The following LAMA2 variants were observed in gnomAD, a reference collection of about 807,000 sequenced individuals.
LAMA2 encodes laminin subunit alpha-2.
LAMA2 carries 269 observed loss-of-function variants against 364.8 expected under a neutral mutation model. The observed-to-expected ratio is 0.74, with a 90% CI of 0.67 to 0.82. The LOEUF (loss-of-function observed/expected upper bound fraction) is 0.82. Among genes scored for constraint, LAMA2 ranks in the 40% least tolerant of loss-of-function variants. The pLI, the probability that LAMA2 is intolerant of heterozygous loss-of-function variation, is 0.00. For synonymous variants in LAMA2, 1,379 were observed against 1,370.6 expected (o/e 1.01, Z -0.14); for missense variants, 3,807 against 3,873.2 (o/e 0.98, Z 0.45).
intron 21 of LAMA2, among the ~76,000 whole-genome samples, chr6:129,298,569 C>G (rs1168897372): frequency 1.3e-5 from 2 of 152,152 alleles, no homozygotes; most frequent in Non-Finnish European, 2.9e-5. Context: ...CGAACTGACC[C>G]TTATTCCAAC....
At chr6:128,904,589 G>A (rs922035032) in intron 1 of LAMA2, among the ~76,000 whole-genome samples, 1 of 151,782 alleles carries the variant, frequency 6.6e-6, no homozygotes, top group African/African-American at 2.4e-5. Context: ...TGAGTAGCTG[G>A]GATTACAGGC....
chr6:129,011,826 G>A (rs1337013856), intron 1 of LAMA2, among the ~76,000 whole-genome samples: 2 of 152,150 alleles, frequency 1.3e-5, no homozygotes, highest in African/African-American at 4.8e-5. Flanking sequence ...AGTGGAAAAG[G>A]GATGGAGATA....
intron 1 of LAMA2, among the ~76,000 whole-genome samples, chr6:129,039,559 A>G (rs1176935295): frequency 2.6e-5 from 4 of 152,172 alleles, no homozygotes; most frequent in African/African-American, 7.2e-5. Flanking sequence ...TTCAACAACA[A>G]TGGGGAAGAT....
chr6:129,205,831 C>G (rs1782606248), intron 12 of LAMA2, among the ~76,000 whole-genome samples: 1 of 151,936 alleles, frequency 6.6e-6, no homozygotes, highest in Admixed American at 6.6e-5. Flanking sequence ...TCAAGACCAG[C>G]CTGGCCAACA....
intron 55 of LAMA2, among the ~76,000 whole-genome samples, chr6:129,482,953 G>T (rs1319240908): frequency 1.3e-5 from 2 of 151,632 alleles, no homozygotes; most frequent in South Asian, 2.1e-4. Context: ...TATAATCCCA[G>T]TTACTTGGGA....
intron 34 of LAMA2, among the ~76,000 whole-genome samples, chr6:129,376,055 T>C (rs961358814): frequency 1.3e-5 from 2 of 152,206 alleles, no homozygotes; most frequent in African/African-American, 4.8e-5. Flanking sequence ...CATTCTAAAT[T>C]GCAGATCCTA....
At chr6:129,351,159 C>T (rs1394132456) in intron 31 of LAMA2, among the ~76,000 whole-genome samples, 2 of 151,764 alleles carry the variant, frequency 1.3e-5, no homozygotes, top group Non-Finnish European at 2.9e-5. Flanking sequence ...CATCGCTGGA[C>T]ACCAAAAAGA....
chr6:129,022,036 G>T (rs181364124), intron 1 of LAMA2, among the ~76,000 whole-genome samples: 61 of 152,220 alleles, frequency 4.0e-4, no homozygotes, highest in African/African-American at 1.4e-3. Flanking sequence ...ATATTAGAAA[G>T]AAAACAGCGG....
chr6:129,450,959 G>A (rs1583782029), intron 45 of LAMA2, among the ~76,000 whole-genome samples: 3 of 152,262 alleles, frequency 2.0e-5, no homozygotes, highest in Admixed American at 2.0e-4. Context: ...ACTTTCAGCA[G>A]CTTGCTAAAA....
At chr6:128,922,172 G>A (rs1778781640) in intron 1 of LAMA2, among the ~76,000 whole-genome samples, 1 of 151,892 alleles carries the variant, frequency 6.6e-6, no homozygotes, top group East Asian at 1.9e-4. Context: ...AAACATACCT[G>A]TGTATGTGTC....
chr6:129,342,960 A>G (rs1776351756), intron 30 of LAMA2, among the ~76,000 whole-genome samples: 1 of 152,150 alleles, frequency 6.6e-6, no homozygotes, highest in Non-Finnish European at 1.5e-5. Flanking sequence ...TTATGCTCCA[A>G]AAAATGTCAT....
Position 129,516,195 on chromosome 6 carries a change from C to T in LAMA2, c.9217C>T (p.Leu3073Phe), listed in dbSNP as rs1315125567. The change falls in exon 65 of 65, where the codon CTC (leucine) becomes TTC (phenylalanine). Residue 3073 changes from leucine to phenylalanine, a missense_variant. By Grantham distance (22) the Leu-to-Phe change is conservative (BLOSUM62 0). Around this residue, in one of 3 missense-constraint regions of LAMA2, gnomAD observed 3,333 missense variants for 3,345.7 expected, o/e 1.00. Transcript: ENST00000421865. ...TCTTGCATTGCCTTTTTCAGATGACCTCAAGCAGTTTGGCCTAACAACCAG... is the reference window on the plus strand; with the variant it reads ...TCTTGCATTGCCTTTTTCAGATGACTTCAAGCAGTTTGGCCTAACAACCAG... ...PVFVGGFPDD[L>F]KQFGLTTSIP... The T allele has an allele frequency of 3.1e-6, 5 of 1,614,058 alleles. No individual in the cohort carries two copies. The highest frequency in any genetic ancestry group is 3.3e-4 in the Middle Eastern group (2 of 6,060).
chr6:128,918,507 A>G (rs1778490545), intron 1 of LAMA2, among the ~76,000 whole-genome samples: 1 of 152,188 alleles, frequency 6.6e-6, no homozygotes, highest in Admixed American at 6.6e-5. Context: ...TAGGTGTTAA[A>G]CTGAATTTTT....
intron 3 of LAMA2, among the ~76,000 whole-genome samples, chr6:129,090,106 C>T (rs948967857): frequency 6.6e-6 from 1 of 152,146 alleles, no homozygotes; most frequent in Non-Finnish European, 1.5e-5. Flanking sequence ...AGTTTGTTTA[C>T]TAAAATGAGA....
chr6:129,255,695 A>T (rs1006823290), intron 14 of LAMA2, among the ~76,000 whole-genome samples: 1 of 152,152 alleles, frequency 6.6e-6, no homozygotes, highest in Non-Finnish European at 1.5e-5. Flanking sequence ...GGATCAAAAA[A>T]GATTATACAG....
intron 54 of LAMA2, among the ~76,000 whole-genome samples, chr6:129,479,124 T>C (rs1002921129): frequency 2.0e-5 from 3 of 152,204 alleles, no homozygotes; most frequent in African/African-American, 7.2e-5. Flanking sequence ...ATTTTTGTCA[T>C]CCATTTTAAA....
At position 129,099,359 on chromosome 6, in the gene LAMA2, C is replaced by G. The variant is rs186907931; in HGVS notation, c.639+944C>G. On this transcript the variant is annotated intron_variant, in intron 4 of 64. Transcript: ENST00000421865. ...TTGTTGCCATTAAGGAAATAATAAC[C>G]ATTACTACTATTATTTTTATTATTA... is the stretch of plus-strand genomic sequence containing the variant. 9.6e-4 allele frequency among the ~76,000 whole-genome samples: 145 copies of G among 151,754 alleles called. 1 individual carries two copies. The highest frequency in any genetic ancestry group is 1.4e-3 in the Non-Finnish European group (96 of 67,906).
chr6:129,504,623 C>T (rs1340848302), intron 60 of LAMA2, among the ~76,000 whole-genome samples: 3 of 152,214 alleles, frequency 2.0e-5, no homozygotes, highest in Non-Finnish European at 4.4e-5. Flanking sequence ...AGATAATTCA[C>T]TCCACCGCCC....
intron 3 of LAMA2, among the ~76,000 whole-genome samples, chr6:129,096,659 A>G (rs906090930): frequency 2.0e-5 from 3 of 152,160 alleles, no homozygotes; most frequent in Non-Finnish European, 4.4e-5. Flanking sequence ...GGTCAATCAG[A>G]TGGTCTCAGG....
Sources: allele counts gnomAD v4.1 joint callset (sites outside exome capture counted in the v4.1 genomes callset), GRCh38; gene constraint gnomAD v4.1.1; regional missense constraint gnomAD v4.1.1; transcripts MANE v1.5; gene names NCBI Gene and HGNC (gene_info 2026-07-23, HGNC 2026-07-21).